ZNF514: variants seen among roughly 807,000 people sequenced by gnomAD.
The protein encoded by ZNF514 is zinc finger protein 514.
Under a neutral mutation model 9.7 loss-of-function variants are expected in ZNF514, and 12 were observed. The ratio of observed to expected loss-of-function variants is 1.24; its 90% CI spans 0.79 to 2.01. The LOEUF (loss-of-function observed/expected upper bound fraction) is 2.01. ZNF514 is among the 30% of genes most tolerant of loss of function. The pLI is 0.00. For missense variants in ZNF514, 467 were observed against 465.5 expected (o/e 1.00, Z -0.03); for synonymous variants, 158 against 163.7 (o/e 0.97, Z 0.27).
At chr2:95,154,965 G>C (rs528016352) in intron 2 of ZNF514, 1 of 152,138 alleles carries the variant, frequency 6.6e-6, no homozygotes, top group Non-Finnish European at 1.5e-5. Context: ...ATTGTTCAGA[G>C]TGAAAAAAGT....
Position 95,159,676 on chromosome 2 carries a change from CG to C in ZNF514, c.-533del, listed in dbSNP as rs1254120128. On this transcript the variant is annotated 5_prime_UTR_variant, in exon 1 of 5. Coordinates refer to ENST00000295208, the MANE Select transcript of ZNF514 (RefSeq NM_032788.3). ...GCGCCAGCCCCCGCCCGCCACCCCG[CG>C]CCAGCCCCCGCGTCCGCCCCGCGCC... 7.3e-4 allele frequency: 67 copies of C among 91,870 alleles called. No individual in the cohort carries two copies. Among genetic ancestry groups the C allele is most frequent in the African/African-American group, 2.8e-3 (60 of 21,680 alleles). 5.7% of individuals were successfully genotyped at this position (91,870 alleles called of 1,614,324 possible).
chr2:95,125,601 C>G, the ZNF514 span, among the ~76,000 whole-genome samples: 1 of 152,176 alleles, frequency 6.6e-6, no homozygotes, highest in African/African-American at 2.4e-5. Flanking sequence ...GTTGTGCTAC[C>G]ATCACCACCA....
downstream of ZNF514, among the ~76,000 whole-genome samples, chr2:95,143,054 T>C (rs530144373): frequency 3.5e-4 from 53 of 152,354 alleles, no homozygotes; most frequent in African/African-American, 1.1e-3. Flanking sequence ...CTTTGCTCAA[T>C]GCTTCTGTAC....
chr2:95,150,321 T>G, intron 4 of ZNF514, 54 bp from the exon 5 acceptor site: 2 of 1,490,350 alleles, frequency 1.3e-6, no homozygotes, highest in Non-Finnish European at 8.9e-7. Flanking sequence ...GAATGTCCTA[T>G]GTAGCAAGAA....
chr2:95,151,624 A>G (rs1429549731), intron 4 of ZNF514, among the ~76,000 whole-genome samples: 12 of 152,224 alleles, frequency 7.9e-5, no homozygotes, highest in Non-Finnish European at 2.9e-5. Context: ...GAAAATTAAT[A>G]AAATAATAAT....
At chr2:95,131,037 T>A in the ZNF514 span, among the ~76,000 whole-genome samples, 2 of 152,232 alleles carry the variant, frequency 1.3e-5, no homozygotes, top group Non-Finnish European at 2.9e-5. Flanking sequence ...CAATTCACGT[T>A]CTTCTGCCGT....
In ZNF514 at chr2:95,155,861, G is replaced by A. The variant is rs1219422966; in HGVS notation, c.-7+1490C>T. ...AGTGGAAACCCAAAGAGCCATCCCC[G>A]GGTTCTCACACTGCTCTTTCCCTCT... On this transcript the variant is annotated intron_variant, in intron 2 of 4. Coordinates refer to ENST00000295208, the MANE Select transcript of ZNF514 (RefSeq NM_032788.3). 2.0e-5 allele frequency among the ~76,000 whole-genome samples: 3 copies of A among 152,022 alleles called. No individual in the cohort carries two copies. The East Asian group carries it at 5.8e-4, about 29-fold the overall frequency.
chr2:95,134,840 A>G, the ZNF514 span, among the ~76,000 whole-genome samples: 1 of 152,208 alleles, frequency 6.6e-6, no homozygotes, highest in African/African-American at 2.4e-5. Flanking sequence ...CCATTTGTTG[A>G]AAAGACTATT....
chr2:95,132,478 C>T, the ZNF514 span, among the ~76,000 whole-genome samples: 2 of 152,182 alleles, frequency 1.3e-5, no homozygotes, highest in Non-Finnish European at 2.9e-5. Flanking sequence ...ACACCATAAA[C>T]TGATGAGGAT....
At chr2:95,127,229 G>A in the ZNF514 span, among the ~76,000 whole-genome samples, 3 of 152,152 alleles carry the variant, frequency 2.0e-5, no homozygotes, top group African/African-American at 4.8e-5. Flanking sequence ...CCCTTCACTC[G>A]AGGGACTCTG....
intron 1 of ZNF514, among the ~76,000 whole-genome samples, chr2:95,158,049 A>C (rs1673734786): frequency 6.6e-6 from 1 of 152,210 alleles, no homozygotes; most frequent in African/African-American, 2.4e-5. Flanking sequence ...AAACTAACCC[A>C]AACCATGCCA....
downstream of ZNF514, among the ~76,000 whole-genome samples, chr2:95,140,267 G>T (rs1204724937): frequency 6.6e-6 from 1 of 152,014 alleles, no homozygotes; most frequent in Admixed American, 6.5e-5. Flanking sequence ...ATGTACCACA[G>T]AACTTAAAGT....
chr2:95,153,453 A>C, intron 2 of ZNF514, 194 bp from the exon 3 acceptor site: 1 of 453,542 alleles, frequency 2.2e-6, no homozygotes, highest in African/African-American at 2.0e-5. Context: ...AATCAATTAG[A>C]ATTAACAAAT....
downstream of ZNF514, among the ~76,000 whole-genome samples, chr2:95,141,247 A>C (rs1198149766): frequency 1.3e-5 from 2 of 152,212 alleles, no homozygotes; most frequent in Admixed American, 6.5e-5. Context: ...ACAAAACTCC[A>C]TAAGGCATTA....
intron 4 of ZNF514, among the ~76,000 whole-genome samples, chr2:95,152,449 G>C (rs1280362838): frequency 6.6e-6 from 1 of 152,128 alleles, no homozygotes; most frequent in Non-Finnish European, 1.5e-5. Context: ...AACCCAGAAG[G>C]CATGGGCAGA....
intron 2 of ZNF514, among the ~76,000 whole-genome samples, chr2:95,157,022 T>C (rs1441510595): frequency 6.6e-6 from 1 of 152,240 alleles, no homozygotes; most frequent in Admixed American, 6.5e-5. Flanking sequence ...ATCCTGTTAC[T>C]GGTGGCTGCG....
intron 2 of ZNF514, chr2:95,153,599 C>G (rs1416844042): frequency 5.7e-6 from 1 of 174,510 alleles, no homozygotes; most frequent in African/African-American, 2.4e-5. Context: ...TTATCCTCCA[C>G]CTGCCTGCCA....
chr2:95,159,014 T>C, intron 1 of ZNF514: 7 of 1,277,018 alleles, frequency 5.5e-6, no homozygotes, highest in Non-Finnish European at 7.1e-6. Flanking sequence ...GTCCTTTCAC[T>C]AGGTCCAAAT....
chr2:95,142,797 T>C (rs1673273720), downstream of ZNF514, among the ~76,000 whole-genome samples: 1 of 152,102 alleles, frequency 6.6e-6, no homozygotes, highest in African/African-American at 2.4e-5. Context: ...TGGTGGGAAA[T>C]AAAAAGACTG....
Sources: gnomAD v4.1 joint callset for allele counts (sites outside exome capture counted in the v4.1 genomes callset) on GRCh38, gnomAD v4.1.1 for gene constraint, MANE v1.5 for transcripts, NCBI Gene and HGNC (gene_info 2026-07-23, HGNC 2026-07-21) for gene names.